FANCC: variants seen among roughly 807,000 people sequenced by gnomAD.
The protein encoded by FANCC is FA complementation group C.
FANCC carries 55 observed loss-of-function variants against 71.3 expected under a neutral mutation model. The observed-to-expected ratio is 0.77, with a 90% confidence interval of 0.62 to 0.97. The LOEUF (loss-of-function observed/expected upper bound fraction) is 0.97, where lower values mean the gene tolerates loss of function less well. FANCC is among the 50% of genes least tolerant of loss of function. The pLI is 0.00. For synonymous variants in FANCC, 275 were observed against 244.9 expected (o/e 1.12, Z -1.15); for missense variants, 678 against 670.9 (o/e 1.01, Z -0.12).
Position 95,240,655 on chromosome 9 carries a change from C to A in FANCC, c.339G>T (p.Trp113Cys). The change falls in exon 4 of 15, where the codon TGG becomes TGT. Residue 113 changes from tryptophan (W) to cysteine (C), a missense_variant. Trp to Cys is a radical substitution (Grantham distance 215). Transcript: ENST00000289081. ...QNSGQSKLNS[W>C]IQGVLSHILS... is the part of the protein sequence containing the mutation. ...GCAAGATTTACTCTCTTACCTGTAT[C>A]CAGGAGTTAAGTTTTGATTGTCCAG... is the stretch of plus-strand genomic sequence containing the variant. 2 of 1,601,012 alleles carry A rather than the reference C, an allele frequency of 1.2e-6. No individual in the cohort carries two copies. The highest frequency in any genetic ancestry group is 1.7e-6 in the Non-Finnish European group (2 of 1,168,270).
intron 7 of FANCC, among the ~76,000 whole-genome samples, chr9:95,140,884 C>CA (rs1243420717): frequency 6.6e-6 from 1 of 152,122 alleles, no homozygotes. Context: ...CAGCCACCAA[C>CA]AAGCAGAAGA....
intron 1 of FANCC, among the ~76,000 whole-genome samples, chr9:95,315,441 C>T (rs1782309481): frequency 6.6e-6 from 1 of 152,210 alleles, no homozygotes; most frequent in Non-Finnish European, 1.5e-5. Flanking sequence ...CCACGCTGGA[C>T]TCGAACTCCT....
chr9:95,104,239 G>C (rs2071271444), intron 14 of FANCC, among the ~76,000 whole-genome samples: 1 of 152,234 alleles, frequency 6.6e-6, no homozygotes, highest in African/African-American at 2.4e-5. Context: ...AGACTGACGT[G>C]TCAATAAAGA....
intron 3 of FANCC, among the ~76,000 whole-genome samples, chr9:95,244,956 G>T (rs1258790745): frequency 6.6e-6 from 1 of 151,950 alleles, no homozygotes; most frequent in African/African-American, 2.4e-5. Context: ...CTGTCATCAA[G>T]AATTAATTAG....
chr9:95,101,955 T>C lies in FANCC; in HGVS notation c.1534-105A>G. ...CACCCAGTCCCTGAAAGAAGCCCTATCCAGCATTTCCATCAGTTCCAAAGT... is the reference window on the plus strand; with the variant it reads ...CACCCAGTCCCTGAAAGAAGCCCTACCCAGCATTTCCATCAGTTCCAAAGT... On this transcript the variant is annotated intron_variant, in intron 14 of 14. Coordinates refer to ENST00000289081, the MANE Select transcript of FANCC (RefSeq NM_000136.3). 7 of 1,281,368 alleles carry C rather than the reference T, an allele frequency of 5.5e-6. No individual in the cohort carries two copies. The South Asian group carries it at 8.7e-5, about 16-fold the overall frequency. The allele number at this position is 1,281,368 out of a possible 1,614,324, so 79.4% of individuals were successfully genotyped here. A position where few individuals can be genotyped will look rare whatever the true frequency, so the allele number is the denominator to read the frequency against.
intron 1 of FANCC, among the ~76,000 whole-genome samples, chr9:95,260,831 T>C (rs1831998290): frequency 6.6e-6 from 1 of 152,240 alleles, no homozygotes; most frequent in Non-Finnish European, 1.5e-5. Flanking sequence ...TTGCAAATTG[T>C]TGAAATAGTA....
intron 1 of FANCC, among the ~76,000 whole-genome samples, chr9:95,264,670 GATGT>G (rs1832280413): frequency 6.6e-6 from 1 of 152,070 alleles, no homozygotes; most frequent in Non-Finnish European, 1.5e-5. Flanking sequence ...CCAAACAGGA[GATGT>G]ATGGAGAGAA....
chr9:95,186,332 T>C (rs962762719), intron 4 of FANCC, among the ~76,000 whole-genome samples: 1 of 152,266 alleles, frequency 6.6e-6, no homozygotes. Flanking sequence ...TGCAGGGGCC[T>C]GACCTGTGCA....
Position 95,104,819 on chromosome 9 carries a change from T to C in FANCC, c.1533+2247A>G, listed in dbSNP as rs148313624. 1.0e-3 allele frequency among the ~76,000 whole-genome samples: 152 copies of C among 152,208 alleles called. 2 individuals are homozygous for C. Among genetic ancestry groups the C allele is most frequent in the African/African-American group, 3.6e-3 (149 of 41,528 alleles). ...TGGGGAGGAAGTGCCTGAGCTGGAATTGTCCTTGTCACAGGGCAGGGCTGA... is the reference window on the plus strand; with the variant it reads ...TGGGGAGGAAGTGCCTGAGCTGGAACTGTCCTTGTCACAGGGCAGGGCTGA... On this transcript the variant is annotated intron_variant, in intron 14 of 14. Transcript: ENST00000289081.
intron 1 of FANCC, among the ~76,000 whole-genome samples, chr9:95,261,376 T>C (rs1832035573): frequency 6.6e-6 from 1 of 152,256 alleles, no homozygotes; most frequent in Non-Finnish European, 1.5e-5. Flanking sequence ...CTGCCTAGTG[T>C]ATGTACCTAA....
chr9:95,224,464 G>A (rs749394364), intron 4 of FANCC, among the ~76,000 whole-genome samples: 3 of 151,350 alleles, frequency 2.0e-5, no homozygotes, highest in Non-Finnish European at 4.4e-5. Context: ...CACATACCAA[G>A]CATTCAGTTA....
At chr9:95,102,592 C>T (rs906880874) in intron 14 of FANCC, among the ~76,000 whole-genome samples, 2 of 152,150 alleles carry the variant, frequency 1.3e-5, no homozygotes, top group African/African-American at 2.4e-5. Context: ...ATACAGAACC[C>T]GCAAATGTTT....
intron 4 of FANCC, among the ~76,000 whole-genome samples, chr9:95,209,613 G>A (rs1057079133): frequency 6.6e-6 from 1 of 152,186 alleles, no homozygotes; most frequent in African/African-American, 2.4e-5. Context: ...TCTATCTGTT[G>A]GGAGCAGTTC....
intron 1 of FANCC, among the ~76,000 whole-genome samples, chr9:95,303,308 G>A (rs1303200950): frequency 6.6e-6 from 1 of 152,228 alleles, no homozygotes; most frequent in African/African-American, 2.4e-5. Context: ...TTAATGACTT[G>A]TGCTAACTCA....
chr9:95,313,364 A>G (rs1835529545), intron 1 of FANCC, among the ~76,000 whole-genome samples: 1 of 152,220 alleles, frequency 6.6e-6, no homozygotes, highest in South Asian at 2.1e-4. Context: ...GGCGATGGAG[A>G]AGGCGCGCGC....
At chr9:95,112,405 G>A (rs2072019534) in intron 12 of FANCC, among the ~76,000 whole-genome samples, 1 of 152,158 alleles carries the variant, frequency 6.6e-6, no homozygotes, top group Non-Finnish European at 1.5e-5. Context: ...CCTGGCCCAT[G>A]GAATTCCCAA....
chr9:95,313,965 C>T (rs974577014), intron 1 of FANCC, among the ~76,000 whole-genome samples: 13 of 152,264 alleles, frequency 8.5e-5, no homozygotes, highest in Middle Eastern at 3.4e-3. Context: ...GAAAAACTTA[C>T]AGCTAACGTC....
At chr9:95,157,761 C>T (rs951056989) in intron 6 of FANCC, among the ~76,000 whole-genome samples, 1 of 152,198 alleles carries the variant, frequency 6.6e-6, no homozygotes, top group African/African-American at 2.4e-5. Context: ...CCTTGAAGTT[C>T]TTGGGAAGGT....
chr9:95,272,508 C>T (rs1832799279), intron 1 of FANCC, among the ~76,000 whole-genome samples: 1 of 151,886 alleles, frequency 6.6e-6, no homozygotes, highest in South Asian at 2.1e-4. Context: ...CCAGCCTGGC[C>T]AACACAGTGA....
Sources: gnomAD v4.1 joint callset for allele counts (sites outside exome capture counted in the v4.1 genomes callset) on GRCh38, gnomAD v4.1.1 for gene constraint, MANE v1.5 for transcripts, NCBI Gene and HGNC (gene_info 2026-07-23, HGNC 2026-07-21) for gene names.